The following TLL1 variants were observed in gnomAD, a reference collection of about 807,000 sequenced individuals.
TLL1 encodes tolloid like 1, also known as tolloid-like protein 1.
TLL1 carries 49 observed loss-of-function variants against 128.2 expected under a neutral mutation model. That is an observed-to-expected ratio of 0.38 (90% CI 0.30 to 0.48). The LOEUF (loss-of-function observed/expected upper bound fraction) is 0.48, where lower values mean the gene tolerates loss of function less well. Among genes scored for constraint, TLL1 ranks in the 20% least tolerant of loss-of-function variants. The probability of loss-of-function intolerance (pLI) is 0.96; values close to 1 mark genes in which losing one functional copy is unlikely to be tolerated. For missense variants in TLL1, 1,123 were observed against 1,242.0 expected (o/e 0.90, Z 1.44); for synonymous variants, 454 against 418.8 (o/e 1.08, Z -1.03).
intron 1 of TLL1, among the ~76,000 whole-genome samples, chr4:165,957,770 G>A (rs960959217): frequency 6.0e-5 from 9 of 149,066 alleles, no homozygotes; most frequent in Non-Finnish European, 1.2e-4. Flanking sequence ...GTGCCAGTTA[G>A]TTACATACGT....
At chr4:165,988,356 T>G (rs1013493868) in intron 1 of TLL1, among the ~76,000 whole-genome samples, 3 of 152,074 alleles carry the variant, frequency 2.0e-5, no homozygotes, top group African/African-American at 7.2e-5. Context: ...ACTCCTGCAA[T>G]CCCAGCATTT....
chr4:165,952,661 C>G (rs975455753), intron 1 of TLL1, among the ~76,000 whole-genome samples: 1 of 151,994 alleles, frequency 6.6e-6, no homozygotes, highest in East Asian at 1.9e-4. Flanking sequence ...TCTAAGGACA[C>G]CAACAGTTAT....
intron 10 of TLL1, among the ~76,000 whole-genome samples, chr4:166,041,173 A>G (rs761336774): frequency 1.3e-5 from 2 of 152,162 alleles, no homozygotes; most frequent in Non-Finnish European, 2.9e-5. Flanking sequence ...AGCTTTATAG[A>G]TGAGATGGAA....
In TLL1 at chr4:165,932,280, C is replaced by T. The variant is rs192885759; in HGVS notation, c.170-57101C>T. Among the ~76,000 whole-genome samples the T allele has an allele frequency of 2.6e-3, 397 of 152,292 alleles. 1 individual carries two copies. The highest frequency in any genetic ancestry group is 9.2e-3 in the African/African-American group (382 of 41,574). ...TATTATATGCTTTTAACTCTGAAAA[C>T]GCTGTGTGACTTGTTCCACATAGCA... On this transcript the variant is annotated intron_variant, in intron 1 of 20. Transcript: ENST00000061240.
chr4:165,898,442 C>A (rs1033866394), intron 1 of TLL1, among the ~76,000 whole-genome samples: 2 of 150,222 alleles, frequency 1.3e-5, no homozygotes, highest in African/African-American at 2.4e-5. Flanking sequence ...AGCATGAAGT[C>A]GTGTTGAATT....
At chr4:165,951,418 C>T (rs556541728) in intron 1 of TLL1, among the ~76,000 whole-genome samples, 1 of 152,118 alleles carries the variant, frequency 6.6e-6, no homozygotes, top group South Asian at 2.1e-4. Flanking sequence ...GAATGGAACC[C>T]CTAACAAAAA....
chr4:165,914,965 C>A (rs970614442), intron 1 of TLL1, among the ~76,000 whole-genome samples: 11 of 152,178 alleles, frequency 7.2e-5, no homozygotes, highest in Admixed American at 7.2e-4. Context: ...GAATTGTCTG[C>A]CAACAGTCCT....
rs184293165 is a variant in TLL1, at chr4:165,905,148, G to T, written c.169+31075G>T. On this transcript the variant is annotated intron_variant, in intron 1 of 20. Transcript: ENST00000061240. ...CAATACAATTTTGGAAGACTATTTG[G>T]CAATTCCTAAAGAATTTAAACTTAT... Among the ~76,000 whole-genome samples the T allele has an allele frequency of 3.1e-3, 466 of 152,246 alleles. 1 individual carries two copies. Among genetic ancestry groups the T allele is most frequent in the African/African-American group, 0.011 (449 of 41,530 alleles).
At chr4:165,919,838 A>C (rs1579487396) in intron 1 of TLL1, 1 of 456,082 alleles carries the variant, frequency 2.2e-6, no homozygotes, top group Non-Finnish European at 4.4e-6. Flanking sequence ...TTCCAGACTG[A>C]CCACTGCTCT....
intron 6 of TLL1, among the ~76,000 whole-genome samples, chr4:166,005,290 G>T (rs1737366860): frequency 6.6e-6 from 1 of 151,946 alleles, no homozygotes; most frequent in Non-Finnish European, 1.5e-5. Context: ...GAAAGGAAAG[G>T]TGAGTCTGGA....
At chr4:165,923,223 A>C (rs1306387568) in intron 1 of TLL1, among the ~76,000 whole-genome samples, 1 of 152,030 alleles carries the variant, frequency 6.6e-6, no homozygotes, top group Non-Finnish European at 1.5e-5. Context: ...TAAATCATCA[A>C]GTCTTCAAAC....
intron 17 of TLL1, among the ~76,000 whole-genome samples, chr4:166,075,982 A>G (rs776223804): frequency 1.3e-5 from 2 of 152,186 alleles, no homozygotes; most frequent in Non-Finnish European, 2.9e-5. Flanking sequence ...TTCATGGATA[A>G]GCATAATATC....
rs137852953 is a variant in TLL1 at position 166,060,066 on chromosome 4, A to G, written c.1885A>G (p.Ile629Val). 3 of 1,613,790 alleles carry G rather than the reference A, an allele frequency of 1.9e-6. No individual in the cohort carries two copies. Among genetic ancestry groups the G allele is most frequent in the Non-Finnish European group, 2.5e-6 (3 of 1,179,874 alleles). ...ACTTCTTACCAAACTTAACGGCACC[A>G]TAACCACCCCTGGCTGGCCCAAGGA... ...GGLLTKLNGT[I>V]TTPGWPKEYP... is the part of the protein sequence containing the mutation. The change falls in exon 15 of 21, where the codon ATA (isoleucine) becomes GTA (valine). Residue 629 changes from isoleucine (I) to valine (V), a missense_variant. Physicochemically the swap from Ile to Val is conservative, Grantham distance 29. Around this residue, in one of 3 missense-constraint regions of TLL1, gnomAD observed 634 missense variants for 672.4 expected, o/e 0.94. Transcript: ENST00000061240.
intron 1 of TLL1, among the ~76,000 whole-genome samples, chr4:165,975,593 A>G (rs1214374220): frequency 6.6e-6 from 1 of 152,220 alleles, no homozygotes; most frequent in African/African-American, 2.4e-5. Flanking sequence ...AATGAAAATA[A>G]AAGAAAAAAT....
chr4:166,047,509 A>T (rs1051966989), intron 12 of TLL1, among the ~76,000 whole-genome samples: 1 of 147,950 alleles, frequency 6.8e-6, no homozygotes, highest in Non-Finnish European at 1.5e-5. Flanking sequence ...ATAATTAATA[A>T]TATATTATAT....
At chr4:165,982,911 G>GA (rs754033211) in intron 1 of TLL1, among the ~76,000 whole-genome samples, 7 of 151,692 alleles carry the variant, frequency 4.6e-5, no homozygotes, top group African/African-American at 1.4e-4. Flanking sequence ...CATAAGGGAA[G>GA]AAAAAACAAA....
At chr4:165,962,699 C>T (rs2110962416) in intron 1 of TLL1, among the ~76,000 whole-genome samples, 1 of 152,174 alleles carries the variant, frequency 6.6e-6, no homozygotes, top group Middle Eastern at 3.4e-3. Flanking sequence ...AAACGTGGTA[C>T]ATATACACCA....
At chr4:166,076,386 T>G (rs1445454915) in intron 17 of TLL1, among the ~76,000 whole-genome samples, 3 of 152,194 alleles carry the variant, frequency 2.0e-5, no homozygotes, top group African/African-American at 7.2e-5. Context: ...GTTTTTATTT[T>G]TTGTTTTGCA....
chr4:166,053,854 A>G (rs1739873850), intron 12 of TLL1, among the ~76,000 whole-genome samples: 1 of 152,202 alleles, frequency 6.6e-6, no homozygotes, highest in Admixed American at 6.5e-5. Context: ...TCTACTTTTA[A>G]ATACCTAATA....
Sources: allele counts gnomAD v4.1 joint callset (sites outside exome capture counted in the v4.1 genomes callset), GRCh38; gene constraint gnomAD v4.1.1; regional missense constraint gnomAD v4.1.1; transcripts MANE v1.5; gene names NCBI Gene and HGNC (gene_info 2026-07-23, HGNC 2026-07-21).